The following HLA-F variants were observed in gnomAD, a reference collection of about 807,000 sequenced individuals.
HLA-F encodes the protein HLA class I histocompatibility antigen, alpha chain F.
A neutral mutation model predicts 49.5 loss-of-function variants in HLA-F; 46 were observed. The observed-to-expected ratio is 0.93, with a 90% CI of 0.73 to 1.19. The LOEUF (loss-of-function observed/expected upper bound fraction) is 1.19. Among genes scored for constraint, HLA-F ranks in the 50% most tolerant of loss-of-function variants. The pLI is 0.00. For missense variants in HLA-F, 496 were observed against 579.6 expected (o/e 0.86, Z 1.48); for synonymous variants, 203 against 233.5 (o/e 0.87, Z 1.19).
At chr6:29,724,112 G>C (rs900845318) in intron 2 of HLA-F, 61 bp from the exon 3 acceptor site, 1 of 1,595,338 alleles carries the variant, frequency 6.3e-7, no homozygotes, top group Non-Finnish European at 8.5e-7. Flanking sequence ...CAAAATCCCC[G>C]CGGGTTGGGC....
chr6:29,735,499 CTA>C (rs1416791289), intron 3 of HLA-F: 3 of 151,208 alleles, frequency 2.0e-5, no homozygotes, highest in Non-Finnish European at 4.4e-5. Flanking sequence ...CTTCTGAACT[CTA>C]TGGTTTCTGA....
chr6:29,733,951 A>G (rs1291882508), intron 3 of HLA-F, among the ~76,000 whole-genome samples: 1 of 152,226 alleles, frequency 6.6e-6, no homozygotes, highest in Non-Finnish European at 1.5e-5. Flanking sequence ...AGATGAAAAT[A>G]TGAGTCCCTG....
chr6:29,737,144 A>G (rs2743918), intron 3 of HLA-F, among the ~76,000 whole-genome samples: 56,841 of 150,424 alleles, frequency 0.38, 10,901 homozygotes, highest in Non-Finnish European at 0.42. Context: ...AATTAACATC[A>G]CAAAAAAGAA....
chr6:29,723,963 AC>A (rs1447368898), intron 2 of HLA-F, 36 bp downstream of exon 2: 87 of 1,568,496 alleles, frequency 5.5e-5, no homozygotes, highest in Non-Finnish European at 7.3e-5. Flanking sequence ...GGTCACGACC[AC>A]CCCCCATCCG....
intron 2 of HLA-F, 69 bp from the exon 3 acceptor site, chr6:29,724,104 A>G: frequency 6.3e-7 from 1 of 1,588,616 alleles, no homozygotes. Context: ...GTTTAGGCCA[A>G]AATCCCCGCG....
intron 6 of HLA-F, 188 bp downstream of exon 6, chr6:29,726,231 C>G (rs1465320754): frequency 1.1e-6 from 1 of 935,918 alleles, no homozygotes. Context: ...ATAAAGGTGA[C>G]ACTCCAGGGC....
chr6:29,727,814 G>A, downstream of HLA-F: 1 of 403,774 alleles, frequency 2.5e-6, no homozygotes, highest in South Asian at 1.9e-5. Flanking sequence ...CATTCCTCAC[G>A]AGCTTTAGTT....
At chr6:29,735,850 T>A (rs1169412128) in intron 3 of HLA-F, 1 of 152,144 alleles carries the variant, frequency 6.6e-6, no homozygotes, top group Non-Finnish European at 1.5e-5. Context: ...TCTTCATAAT[T>A]TTTTTTCTTT....
intron 1 of HLA-F, 65 bp from the exon 2 acceptor site, chr6:29,723,593 C>T: frequency 1.3e-6 from 2 of 1,599,454 alleles, no homozygotes; most frequent in Non-Finnish European, 1.7e-6. Flanking sequence ...CCGGTGGGGG[C>T]GCAGGACTCA....
chr6:29,725,592 G>A (rs779169570), intron 5 of HLA-F, 29 bp downstream of exon 5: 30 of 1,589,640 alleles, frequency 1.9e-5, no homozygotes, highest in Non-Finnish European at 2.6e-5. Flanking sequence ...TGGAGTCTGA[G>A]TTTTCTTGTC....
chr6:29,724,548 C>T, intron 3 of HLA-F, 100 bp downstream of exon 3: 1 of 1,247,394 alleles, frequency 8.0e-7, no homozygotes, highest in East Asian at 2.4e-5. Flanking sequence ...AGGATATCGC[C>T]CTCCCTCTAG....
In HLA-F at chr6:29,723,710, G is replaced by GT; in HGVS notation, c.117_118insT (p.Glu40Ter). On this transcript the variant is annotated frameshift_variant, in exon 2 of 7. Coordinates refer to ENST00000259951, the MANE Select transcript of HLA-F (RefSeq NM_001098479.2). LOFTEE classifies it high-confidence loss of function. ...CCGCTGTGTCGCGGCCCGGCCGCGG[G>GT]GAGCCCCGCTACATCGCCGTGGAGT... 6.2e-7 allele frequency: 1 copy of GT among 1,611,822 alleles called. No individual in the cohort carries two copies. Among genetic ancestry groups the GT allele is most frequent in the Non-Finnish European group, 8.5e-7 (1 of 1,179,748 alleles).
chr6:29,728,393 T>A (rs1030642923), downstream of HLA-F: 22 of 306,436 alleles, frequency 7.2e-5, 1 homozygote, highest in South Asian at 4.8e-4. Flanking sequence ...GCAGAAGTGA[T>A]GATATGTGCA....
downstream of HLA-F, chr6:29,728,432 G>A (rs1736921): frequency 0.83 from 153,974 of 186,134 alleles, 64,108 homozygotes; most frequent in East Asian, 0.98. Flanking sequence ...GGCATTGGAT[G>A]TTGATATTCA....
At position 29,735,143 on chromosome 6, in the gene HLA-F, C is replaced by A. The variant is rs1001681617; in HGVS notation, c.404-2979C>A. On this transcript the variant is annotated intron_variant, in intron 3 of 4. Transcript: ENST00000465459. ...CCAAAAATATACATGTTACTACTAG[C>A]TTTTATAGGACTACTATATATAGTA... The A allele has an allele frequency of 2.7e-5, 4 of 149,664 alleles. No homozygotes were observed. In the East Asian group the frequency reaches 5.9e-4, roughly 22 times the overall value. 9.3% of individuals were successfully genotyped at this position (149,664 alleles called of 1,614,324 possible).
downstream of HLA-F, chr6:29,727,902 C>T (rs1776257639): frequency 2.0e-6 from 1 of 505,132 alleles, no homozygotes. Context: ...CCCTTCCTGT[C>T]TTCTCCAGCC....
Position 29,726,887 on chromosome 6 carries a change from CTCA to C in HLA-F, c.1042_1044del (p.Ser348del). ...TGTTTTCTATCTTCTTCACAGCCTA[CTCA>C]GTGGTCAGCGGAAACTTGATGATAA... On this transcript the variant is annotated inframe_deletion, in exon 7 of 7. Coordinates refer to ENST00000259951, the MANE Select transcript of HLA-F (RefSeq NM_001098479.2). 6.2e-7 allele frequency: 1 copy of C among 1,602,888 alleles called. No individual in the cohort carries two copies. Among genetic ancestry groups the C allele is most frequent in the Non-Finnish European group, 8.5e-7 (1 of 1,179,770 alleles).
chr6:29,731,232 C>CATAGATAGATAGATAGATAGATAG (rs57735158), downstream of HLA-F, among the ~76,000 whole-genome samples: 8 of 81,588 alleles, frequency 9.8e-5, no homozygotes, highest in Non-Finnish European at 1.9e-4. Flanking sequence ...TAGATGGATA[C>CATAGATAGATAGATAGATAGATAG]ATAGATAGAT....
At chr6:29,730,139 A>G (rs944436775), downstream of HLA-F, among the ~76,000 whole-genome samples, 1 of 152,186 alleles carries the variant, frequency 6.6e-6, no homozygotes, top group African/African-American at 2.4e-5. Flanking sequence ...ACTATTCCCA[A>G]TGGCCAAAAG....
Sources: allele counts gnomAD v4.1 joint callset (sites outside exome capture counted in the v4.1 genomes callset), GRCh38; gene constraint gnomAD v4.1.1; transcripts MANE v1.5; gene names NCBI Gene and HGNC (gene_info 2026-07-23, HGNC 2026-07-21).